The following CASK variants were observed in gnomAD, a reference collection of about 807,000 sequenced individuals.
CASK encodes the protein peripheral plasma membrane protein CASK.
A neutral mutation model predicts 82.9 loss-of-function variants in CASK; 4 were observed. That is an observed-to-expected ratio of 0.05 (90% CI 0.02 to 0.11). The LOEUF (loss-of-function observed/expected upper bound fraction) is 0.11, where lower values mean the gene tolerates loss of function less well. Among genes scored for constraint, CASK ranks in the 10% least tolerant of loss-of-function variants. CASK has a pLI of 1.00. For missense variants in CASK, 358 were observed against 720.9 expected, an observed-to-expected ratio of 0.50 and a Z score of 5.76; for synonymous variants, 259 against 253.5, an observed-to-expected ratio of 1.02 and a Z score of -0.20.
chrX:41,575,831 C>T (rs1373754451), intron 15 of CASK, among the ~76,000 whole-genome samples: 1 of 111,368 alleles, frequency 9.0e-6, no homozygotes, highest in Non-Finnish European at 1.9e-5. Context: ...AAATATACAT[C>T]TTCACTAGGA....
intron 1 of CASK, among the ~76,000 whole-genome samples, chrX:41,880,609 C>T (rs771832076): frequency 1.8e-5 from 2 of 111,908 alleles, no homozygotes; most frequent in South Asian, 7.4e-4. Flanking sequence ...TAAACCTTCT[C>T]TTCAGGCAGA....
chrX:41,869,209 G>C (rs2071649258), intron 1 of CASK, among the ~76,000 whole-genome samples: 1 of 111,613 alleles, frequency 9.0e-6, no homozygotes, highest in South Asian at 3.8e-4. Flanking sequence ...GGGCCTCATA[G>C]GAATGAATGA....
At chrX:41,755,052 T>C (rs1486424681) in intron 3 of CASK, among the ~76,000 whole-genome samples, 2 of 109,691 alleles carry the variant, frequency 1.8e-5, no homozygotes, top group African/African-American at 6.7e-5. Flanking sequence ...CTAATTTTTG[T>C]ATTTTTAGTA....
intron 3 of CASK, 63 bp from the exon 4 acceptor site, chrX:41,745,664 G>T (rs2068675033): frequency 1.4e-6 from 1 of 740,219 alleles, no homozygotes; most frequent in Non-Finnish European, 2.1e-6. Flanking sequence ...AACACTGAAA[G>T]TGAATACATT....
chrX:41,716,714 G>A (rs1193003707), intron 5 of CASK, among the ~76,000 whole-genome samples: 1 of 111,637 alleles, frequency 9.0e-6, no homozygotes, highest in Non-Finnish European at 1.9e-5. Flanking sequence ...TCTGATTGTG[G>A]GGTGGACTCC....
intron 2 of CASK, among the ~76,000 whole-genome samples, chrX:41,851,842 T>C (rs1443834387): frequency 2.7e-5 from 3 of 111,350 alleles, no homozygotes; most frequent in Non-Finnish European, 5.7e-5. Context: ...ATTAGGTTTA[T>C]ACAAAATTAC....
intron 12 of CASK, among the ~76,000 whole-genome samples, chrX:41,593,891 A>G (rs2065780682): frequency 8.9e-6 from 1 of 112,367 alleles, no homozygotes; most frequent in African/African-American, 3.2e-5. Flanking sequence ...TCATCTGCAT[A>G]TTATATGCTG....
At chrX:41,641,996 T>C (rs1463408191) in intron 8 of CASK, among the ~76,000 whole-genome samples, 1 of 107,451 alleles carries the variant, frequency 9.3e-6, no homozygotes, top group Non-Finnish European at 1.9e-5. Flanking sequence ...ACATGTGGTG[T>C]TTGGTTTTCT....
At chrX:41,780,711 C>T (rs2069457330) in intron 3 of CASK, among the ~76,000 whole-genome samples, 1 of 111,313 alleles carries the variant, frequency 9.0e-6, no homozygotes, top group South Asian at 3.8e-4. Flanking sequence ...TGCAGTGGTG[C>T]TATCTTGGCT....
intron 5 of CASK, among the ~76,000 whole-genome samples, chrX:41,723,003 C>G (rs900097493): frequency 8.9e-6 from 1 of 111,776 alleles, no homozygotes; most frequent in Non-Finnish European, 1.9e-5. Context: ...GGCCATGTAA[C>G]CCTGGATGAG....
At chrX:41,828,102 T>C (rs143571649) in intron 2 of CASK, among the ~76,000 whole-genome samples, 342 of 111,494 alleles carry the variant, frequency 3.1e-3, no homozygotes, top group African/African-American at 0.011. Flanking sequence ...ATTTGACAAC[T>C]AGGAAAGCTG....
chrX:41,833,899 C>T, intron 2 of CASK, among the ~76,000 whole-genome samples: 1 of 111,035 alleles, frequency 9.0e-6, no homozygotes. Flanking sequence ...CAGGCACATG[C>T]CACCATGCCC....
chrX:41,663,139 T>C (rs1466869762), intron 7 of CASK, among the ~76,000 whole-genome samples: 2 of 111,839 alleles, frequency 1.8e-5, no homozygotes, highest in Admixed American at 9.5e-5. Context: ...AAAACAAGAT[T>C]GTCTGTGTTA....
rs879038623 is a variant in CASK at position 41,519,878 on chromosome X, T to TA, written c.*541dup. 2.8e-3 allele frequency: 257 copies of TA among 92,016 alleles called. 2 individuals carry two copies. Among genetic ancestry groups the TA allele is most frequent in the African/African-American group, 8.5e-3 (215 of 25,192 alleles). 7.6% of individuals were successfully genotyped at this position (92,016 alleles called of 1,213,427 possible). On this transcript the variant is annotated 3_prime_UTR_variant, in exon 27 of 27. Coordinates refer to ENST00000378163, the MANE Select transcript of CASK (RefSeq NM_001367721.1). ...AAGGACTTAAAAAAAAATACTATTC[T>TA]AAAAAAAAAAAAAGAGAGAAAAAAG...
At chrX:41,547,750 G>A (rs181440720) in intron 21 of CASK, among the ~76,000 whole-genome samples, 96 of 109,833 alleles carry the variant, frequency 8.7e-4, no homozygotes, top group African/African-American at 3.0e-3. Flanking sequence ...AGCCTCCCAA[G>A]TAGCTGGGAC....
intron 8 of CASK, among the ~76,000 whole-genome samples, chrX:41,640,399 T>C (rs2066628887): frequency 9.0e-6 from 1 of 110,881 alleles, no homozygotes; most frequent in Non-Finnish European, 1.9e-5. Context: ...AGATGGGGTT[T>C]CACCATATTG....
intron 3 of CASK, among the ~76,000 whole-genome samples, chrX:41,761,960 C>T (rs940669261): frequency 2.7e-5 from 3 of 112,111 alleles, no homozygotes; most frequent in Non-Finnish European, 5.6e-5. Context: ...AATGCAGGTA[C>T]TTTAATAGCT....
In CASK at chrX:41,745,507, A is replaced by T. The variant is rs776049122; in HGVS notation, c.356+17T>A. On this transcript the variant is annotated intron_variant, in intron 4 of 26. Transcript: ENST00000378163. ...ATTTTCAACTTGACCTCTGGTGATT[A>T]GATATACAATACATACCTGGCTACA... 1.8e-6 allele frequency: 2 copies of T among 1,096,294 alleles called. No homozygotes were observed. Among genetic ancestry groups the T allele is most frequent in the Non-Finnish European group, 2.5e-6 (2 of 790,508 alleles). The allele number at this position is 1,096,294 out of a possible 1,213,427, so 90.3% of individuals were successfully genotyped here. A position where few individuals can be genotyped will look rare whatever the true frequency, so the allele number is the denominator to read the frequency against.
At chrX:41,656,802 T>C (rs1012652462) in intron 8 of CASK, among the ~76,000 whole-genome samples, 6 of 111,277 alleles carry the variant, frequency 5.4e-5, no homozygotes, top group Admixed American at 9.6e-5. Flanking sequence ...ATAATGACTA[T>C]ACTTTTTTCT....
Sources: allele counts gnomAD v4.1 joint callset (sites outside exome capture counted in the v4.1 genomes callset), GRCh38; gene constraint gnomAD v4.1.1; transcripts MANE v1.5; gene names NCBI Gene and HGNC (gene_info 2026-07-23, HGNC 2026-07-21).